EFCAB6: variants seen among roughly 807,000 people sequenced by gnomAD.
The protein encoded by EFCAB6 is EF-hand calcium-binding domain-containing protein 6.
A neutral mutation model predicts 169.8 loss-of-function variants in EFCAB6; 156 were observed. The observed-to-expected ratio is 0.92, with a 90% CI of 0.81 to 1.05. The LOEUF (loss-of-function observed/expected upper bound fraction) is 1.05, where lower values mean the gene tolerates loss of function less well. Ranked by LOEUF, EFCAB6 falls within the 50% of genes least tolerant of loss-of-function variation. The pLI is 0.00. For synonymous variants in EFCAB6, 698 were observed against 676.4 expected (o/e 1.03, Z -0.50); for missense variants, 1,800 against 1,829.1 (o/e 0.98, Z 0.29).
At chr22:43,799,267 T>C (rs766563751) in intron 2 of EFCAB6, among the ~76,000 whole-genome samples, 23 of 151,710 alleles carry the variant, frequency 1.5e-4, no homozygotes, top group Non-Finnish European at 2.8e-4. Context: ...GAGTTCAAGG[T>C]TGCAGTGAGC....
At chr22:43,748,109 A>G (rs528278747) in intron 6 of EFCAB6, among the ~76,000 whole-genome samples, 1 of 152,332 alleles carries the variant, frequency 6.6e-6, no homozygotes, top group African/African-American at 2.4e-5. Context: ...CGATGATGGT[A>G]AGAGGGTGAC....
chr22:43,632,764 C>T (rs1051187624), intron 18 of EFCAB6, among the ~76,000 whole-genome samples: 16 of 152,312 alleles, frequency 1.1e-4, no homozygotes, highest in African/African-American at 3.6e-4. Context: ...CAGGAGGAAC[C>T]ATGCTGCAGA....
At chr22:43,634,803 G>A (rs2055258980) in intron 18 of EFCAB6, among the ~76,000 whole-genome samples, 1 of 152,138 alleles carries the variant, frequency 6.6e-6, no homozygotes, top group Non-Finnish European at 1.5e-5. Flanking sequence ...CTACCTTAGG[G>A]GAAAATCTTA....
chr22:43,770,155 C>A (rs2061428229), intron 4 of EFCAB6, among the ~76,000 whole-genome samples: 1 of 152,096 alleles, frequency 6.6e-6, no homozygotes, highest in African/African-American at 2.4e-5. Context: ...CCGTACCCAG[C>A]CAAGGTCAGC....
chr22:43,658,706 C>T (rs938803779), intron 17 of EFCAB6, among the ~76,000 whole-genome samples: 5 of 152,086 alleles, frequency 3.3e-5, no homozygotes, highest in Non-Finnish European at 7.4e-5. Context: ...GCCGTGTCCT[C>T]GGTGGAAGGA....
chr22:43,713,465 G>A (rs1158270887), intron 9 of EFCAB6, among the ~76,000 whole-genome samples: 2 of 152,212 alleles, frequency 1.3e-5, no homozygotes, highest in Non-Finnish European at 2.9e-5. Flanking sequence ...AGGCAGAAAT[G>A]TACAAGCTTA....
At chr22:43,710,238 ATG>A (rs2059113002) in intron 10 of EFCAB6, among the ~76,000 whole-genome samples, 1 of 152,226 alleles carries the variant, frequency 6.6e-6, no homozygotes, top group South Asian at 2.1e-4. Context: ...CAGGCAAGGG[ATG>A]TACAAGAACA....
intron 17 of EFCAB6, among the ~76,000 whole-genome samples, chr22:43,655,043 A>C (rs1394563809): frequency 6.6e-6 from 1 of 152,178 alleles, no homozygotes; most frequent in Non-Finnish European, 1.5e-5. Context: ...GGATCACCTG[A>C]GGTCAGGAGT....
chr22:43,676,200 A>G (rs1468298189), intron 13 of EFCAB6, among the ~76,000 whole-genome samples: 8 of 151,846 alleles, frequency 5.3e-5, no homozygotes, highest in Admixed American at 4.6e-4. Flanking sequence ...GGCAGATCAC[A>G]AGGTCAGGAG....
chr22:43,633,098 G>A (rs959773933), intron 18 of EFCAB6, among the ~76,000 whole-genome samples: 1 of 152,168 alleles, frequency 6.6e-6, no homozygotes, highest in Non-Finnish European at 1.5e-5. Flanking sequence ...TTACCTAGGG[G>A]GTGGTGAGGC....
intron 2 of EFCAB6, among the ~76,000 whole-genome samples, chr22:43,802,159 T>C (rs1603390161): frequency 6.6e-6 from 1 of 152,182 alleles, no homozygotes. Context: ...AGAGGCTGTG[T>C]GCTGCTACAT....
intron 17 of EFCAB6, among the ~76,000 whole-genome samples, chr22:43,665,137 C>T (rs560912881): frequency 2.3e-4 from 35 of 152,236 alleles, no homozygotes; most frequent in Non-Finnish European, 4.4e-4. Flanking sequence ...AGGATGTAGG[C>T]GGAGCGGCCC....
Position 43,528,929 on chromosome 22 carries a change from T to C in EFCAB6, c.4430A>G (p.His1477Arg), listed in dbSNP as rs4994541. ...CGTCTTATCGTAATACTCCAGAATATGGAAGAACTCTTCCTCAGAGAGGTT... is the reference window on the plus strand; with the variant it reads ...CGTCTTATCGTAATACTCCAGAATACGGAAGAACTCTTCCTCAGAGAGGTT... ...SINLSEEEFF[H>R]ILEYYDKTLS... Residue 1477 changes from histidine to arginine, a missense_variant, in exon 32 of 32, where the codon CAT becomes CGT. By Grantham distance (29) the His-to-Arg change is conservative (BLOSUM62 0). Transcript: ENST00000262726. 5 of 1,610,466 alleles carry C rather than the reference T, an allele frequency of 3.1e-6. No homozygotes were observed. The East Asian group carries it at 1.1e-4, about 36-fold the overall frequency.
intron 23 of EFCAB6, among the ~76,000 whole-genome samples, chr22:43,599,441 T>C (rs1418271889): frequency 7.7e-6 from 1 of 130,382 alleles, no homozygotes; most frequent in Non-Finnish European, 1.6e-5. Flanking sequence ...ACCCGGGAGG[T>C]GGAGGTTGCA....
At chr22:43,565,475 A>G (rs894557258) in intron 26 of EFCAB6, among the ~76,000 whole-genome samples, 3 of 152,228 alleles carry the variant, frequency 2.0e-5, no homozygotes, top group Non-Finnish European at 4.4e-5. Context: ...TTGAGCACAG[A>G]TGGCTTTTTA....
intron 2 of EFCAB6, among the ~76,000 whole-genome samples, chr22:43,792,707 G>A (rs2062347764): frequency 6.6e-6 from 1 of 152,152 alleles, no homozygotes; most frequent in Non-Finnish European, 1.5e-5. Context: ...GACTTGCCCT[G>A]GGCTACATGA....
intron 26 of EFCAB6, among the ~76,000 whole-genome samples, chr22:43,555,839 G>A (rs1214733036): frequency 6.6e-6 from 1 of 152,208 alleles, no homozygotes; most frequent in African/African-American, 2.4e-5. Flanking sequence ...CCAGGGCTCA[G>A]AGATTTCCTG....
intron 17 of EFCAB6, among the ~76,000 whole-genome samples, chr22:43,663,611 T>C (rs1348598402): frequency 2.0e-5 from 3 of 152,196 alleles, no homozygotes; most frequent in Non-Finnish European, 4.4e-5. Flanking sequence ...CAGTGCAAAC[T>C]GGACTAACTG....
chr22:43,773,737 C>T (rs1420634994), intron 3 of EFCAB6, among the ~76,000 whole-genome samples: 6 of 152,332 alleles, frequency 3.9e-5, no homozygotes, highest in South Asian at 4.1e-4. Flanking sequence ...ATCCCAGCTA[C>T]TCAGGAGGCT....
Sources: allele counts gnomAD v4.1 joint callset (sites outside exome capture counted in the v4.1 genomes callset), GRCh38; gene constraint gnomAD v4.1.1; transcripts MANE v1.5; gene names NCBI Gene and HGNC (gene_info 2026-07-23, HGNC 2026-07-21).